The following TENM3 variants were observed in gnomAD, a reference collection of about 807,000 sequenced individuals.
TENM3 encodes teneurin-3.
A neutral mutation model predicts 255.1 loss-of-function variants in TENM3; 63 were observed. The ratio of observed to expected loss-of-function variants is 0.25; its 90% confidence interval spans 0.20 to 0.30. TENM3 has a LOEUF of 0.30. Among genes scored for constraint, TENM3 ranks in the 10% least tolerant of loss-of-function variants. The probability of loss-of-function intolerance (pLI) is 1.00; values close to 1 mark genes in which losing one functional copy is unlikely to be tolerated. For missense variants in TENM3, 2,929 were observed against 3,461.1 expected (o/e 0.85, Z 3.86); for synonymous variants, 1,306 against 1,322.3 (o/e 0.99, Z 0.27).
the TENM3 span, among the ~76,000 whole-genome samples, chr4:181,849,949 T>TCTCACACACACACACA: frequency 1.7e-4 from 11 of 65,956 alleles, no homozygotes; most frequent in East Asian, 4.4e-3. Context: ...TCTCTCTCTC[T>TCTCACACACACACACA]CACACACACA....
At chr4:182,528,780 T>C (rs1215949921) in intron 3 of TENM3, among the ~76,000 whole-genome samples, 1 of 152,204 alleles carries the variant, frequency 6.6e-6, no homozygotes, top group African/African-American at 2.4e-5. Flanking sequence ...GCACTAACAG[T>C]AGTAGCCCAT....
chr4:182,370,665 T>G (rs1286302221), intron 3 of TENM3, among the ~76,000 whole-genome samples: 2 of 152,218 alleles, frequency 1.3e-5, no homozygotes, highest in African/African-American at 4.8e-5. Context: ...ACCCCAGGTT[T>G]TCCCAAGTAT....
intron 3 of TENM3, among the ~76,000 whole-genome samples, chr4:182,420,066 G>A (rs1770708518): frequency 6.6e-6 from 1 of 151,898 alleles, no homozygotes; most frequent in South Asian, 2.1e-4. Flanking sequence ...TTTTCAGGGT[G>A]AGGACATTGA....
the TENM3 span, among the ~76,000 whole-genome samples, chr4:182,105,541 A>G: frequency 1.3e-5 from 2 of 152,118 alleles, no homozygotes; most frequent in Admixed American, 1.3e-4. Flanking sequence ...CGGGGAAAGG[A>G]TACAGATCAA....
At chr4:182,388,431 T>C (rs544191555) in intron 3 of TENM3, among the ~76,000 whole-genome samples, 28 of 152,368 alleles carry the variant, frequency 1.8e-4, no homozygotes, top group African/African-American at 6.5e-4. Context: ...TTACATCTTT[T>C]GAATCCTTAT....
chr4:181,725,943 A>G, the TENM3 span, among the ~76,000 whole-genome samples: 13 of 152,132 alleles, frequency 8.5e-5, no homozygotes, highest in Non-Finnish European at 1.8e-4. Context: ...CAAGACATGG[A>G]TTTCAAATAT....
intron 1 of TENM3, among the ~76,000 whole-genome samples, chr4:182,299,910 A>C (rs985658511): frequency 6.9e-6 from 1 of 144,048 alleles, no homozygotes; most frequent in African/African-American, 2.7e-5. Flanking sequence ...ATTCAAGTAG[A>C]TCTTTTTTTT....
the TENM3 span, among the ~76,000 whole-genome samples, chr4:181,625,438 TC>T: frequency 1.3e-5 from 2 of 152,162 alleles, no homozygotes; most frequent in African/African-American, 4.8e-5. Flanking sequence ...GAGGACTCCA[TC>T]CCAGCAACTA....
chr4:182,487,106 C>A (rs904870881), intron 3 of TENM3, among the ~76,000 whole-genome samples: 1 of 152,148 alleles, frequency 6.6e-6, no homozygotes, highest in African/African-American at 2.4e-5. Context: ...CCCGCTAATT[C>A]TTGCACGTGG....
At chr4:181,905,874 C>T in the TENM3 span, 2 of 487,874 alleles carry the variant, frequency 4.1e-6, no homozygotes, top group Non-Finnish European at 7.8e-6. Flanking sequence ...ATCTTCACAG[C>T]CTTTCCTCTT....
chr4:182,671,483 T>C lies in TENM3; in HGVS notation c.1112-1522T>C, dbSNP rs144532957. Among the ~76,000 whole-genome samples, 101 of 152,304 alleles carry C rather than the reference T, an allele frequency of 6.6e-4. 2 individuals are homozygous for C. Among genetic ancestry groups the C allele is most frequent in the Admixed American group, 9.8e-4 (15 of 15,302 alleles). On this transcript the variant is annotated intron_variant, in intron 6 of 27. Coordinates refer to ENST00000511685, the MANE Select transcript of TENM3 (RefSeq NM_001080477.4). ...CCAAACTTAACTCCTGTGAAATCTC[T>C]CAACCTCCAGCCTGCAGTGATAGTG...
intron 4 of TENM3, among the ~76,000 whole-genome samples, chr4:182,621,330 G>T (rs919440432): frequency 6.6e-6 from 1 of 151,848 alleles, no homozygotes; most frequent in African/African-American, 2.4e-5. Context: ...TAGCATTTCT[G>T]TATTTATTAT....
chr4:182,363,211 C>T (rs1766153244), intron 3 of TENM3, among the ~76,000 whole-genome samples: 1 of 152,114 alleles, frequency 6.6e-6, no homozygotes, highest in Admixed American at 6.5e-5. Flanking sequence ...GGATTGCTGT[C>T]AGGACTAGTC....
In TENM3 at chr4:182,661,515, G is replaced by A. The variant is rs568700326; in HGVS notation, c.1111+7622G>A. ...TTCATAGTACTTGTGTTATTACAATGTGTAATAGCTCCTTAATTAGATGCT... is the reference window on the plus strand; with the variant it reads ...TTCATAGTACTTGTGTTATTACAATATGTAATAGCTCCTTAATTAGATGCT... On this transcript the variant is annotated intron_variant, in intron 6 of 27. Coordinates refer to ENST00000511685, the MANE Select transcript of TENM3 (RefSeq NM_001080477.4). Among the ~76,000 whole-genome samples the A allele has an allele frequency of 6.6e-5, 10 of 152,218 alleles. No individual in the cohort carries two copies. In the South Asian group the frequency reaches 2.1e-3, roughly 32 times the overall value.
At chr4:181,520,266 G>A in the TENM3 span, among the ~76,000 whole-genome samples, 40 of 152,288 alleles carry the variant, frequency 2.6e-4, no homozygotes, top group South Asian at 1.7e-3. Context: ...ATCCTGCACC[G>A]TGGGAAGCCG....
At chr4:182,460,089 C>T (rs1774217542) in intron 3 of TENM3, among the ~76,000 whole-genome samples, 1 of 152,026 alleles carries the variant, frequency 6.6e-6, no homozygotes, top group Non-Finnish European at 1.5e-5. Context: ...AAGGAGACCA[C>T]TTGAAGGTTT....
chr4:182,065,560 G>A, the TENM3 span, among the ~76,000 whole-genome samples: 6 of 152,134 alleles, frequency 3.9e-5, no homozygotes, highest in African/African-American at 1.2e-4. Flanking sequence ...TCATTATCGC[G>A]AGAACAGCAA....
the TENM3 span, among the ~76,000 whole-genome samples, chr4:181,705,235 C>T: frequency 6.6e-6 from 1 of 152,128 alleles, no homozygotes; most frequent in Admixed American, 6.5e-5. Context: ...GAAATATCTC[C>T]TGAAACCGCG....
the TENM3 span, among the ~76,000 whole-genome samples, chr4:181,919,696 T>A: frequency 6.6e-6 from 1 of 151,988 alleles, no homozygotes; most frequent in South Asian, 2.1e-4. Context: ...CCACCAAGGT[T>A]GTTCACTATG....
Sources: allele counts gnomAD v4.1 joint callset (sites outside exome capture counted in the v4.1 genomes callset), GRCh38; gene constraint gnomAD v4.1.1; transcripts MANE v1.5; gene names NCBI Gene and HGNC (gene_info 2026-07-23, HGNC 2026-07-21).